CEACAM4: variants seen among roughly 807,000 people sequenced by gnomAD.
CEACAM4 encodes the protein cell adhesion molecule CEACAM4.
CEACAM4 carries 30 observed loss-of-function variants against 28.7 expected under a neutral mutation model. The ratio of observed to expected loss-of-function variants is 1.05; its 90% CI spans 0.78 to 1.42. The LOEUF (loss-of-function observed/expected upper bound fraction) is 1.42, where lower values mean the gene tolerates loss of function less well. Ranked by LOEUF, CEACAM4 falls within the 40% of genes most tolerant of loss-of-function variation. The pLI is 0.00. For synonymous variants in CEACAM4, 143 were observed against 126.5 expected, an observed-to-expected ratio of 1.13 and a Z score of -0.87; for missense variants, 330 against 308.2, an observed-to-expected ratio of 1.07 and a Z score of -0.53.
At chr19:41,620,444 G>T in intron 4 of CEACAM4, 131 bp downstream of exon 4, 1 of 906,252 alleles carries the variant, frequency 1.1e-6, no homozygotes, top group South Asian at 1.8e-5. Flanking sequence ...GGGGTCCCCT[G>T]TGTCATGTTT....
downstream of CEACAM4, among the ~76,000 whole-genome samples, chr19:41,616,827 T>C (rs1195091256): frequency 3.9e-5 from 6 of 151,980 alleles, no homozygotes; most frequent in Non-Finnish European, 8.8e-5. Context: ...TCCCACCATG[T>C]TGTAGGCAGA....
chr19:41,625,934 G>A lies in CEACAM4; in HGVS notation c.91C>T (p.Pro31Ser). Residue 31 changes from proline (P) to serine (S), a missense_variant, in exon 2 of 7, where the codon CCC becomes TCC. Transcript: ENST00000221954. ...TCAATAGTGAACTGGACAGTGGTGGGCGGGTGCCAGAAGGTTAAAAGTGAG... is the reference window on the plus strand; with the variant it reads ...TCAATAGTGAACTGGACAGTGGTGGACGGGTGCCAGAAGGTTAAAAGTGAG... ...TASLLTFWHP[P>S]TTVQFTIEAL... 1 of 1,612,784 alleles carries A rather than the reference G, an allele frequency of 6.2e-7. No individual in the cohort carries two copies. The highest frequency in any genetic ancestry group is 2.2e-5 in the East Asian group (1 of 44,846).
chr19:41,614,431 A>G (rs1555798591), downstream of CEACAM4, among the ~76,000 whole-genome samples: 2 of 152,204 alleles, frequency 1.3e-5, no homozygotes, highest in African/African-American at 4.8e-5. Flanking sequence ...GGTGAGGTCA[A>G]TGTTGCTGTA....
Position 41,619,250 on chromosome 19 carries a change from G to T in CEACAM4, c.*80C>A. 2 of 1,184,212 alleles carry T rather than the reference G, an allele frequency of 1.7e-6. No homozygotes were observed. Among genetic ancestry groups the T allele is most frequent in the Non-Finnish European group, 2.5e-6 (2 of 793,360 alleles). The allele number at this position is 1,184,212 out of a possible 1,614,324, so 73.4% of individuals were successfully genotyped here. A position where few individuals can be genotyped will look rare whatever the true frequency, so the allele number is the denominator to read the frequency against. On this transcript the variant is annotated 3_prime_UTR_variant, in exon 7 of 7. Coordinates refer to ENST00000221954, the MANE Select transcript of CEACAM4 (RefSeq NM_001817.4). ...ACTCAGAGCTGGTTCTCTGGCTCAG[G>T]CTCCATGTCCTTCCCCGTCCCCAGG...
At position 41,626,124 on chromosome 19, in the gene CEACAM4, G is replaced by C. The variant is rs190252473; in HGVS notation, c.65-164C>G. 4.7e-5 allele frequency among the ~76,000 whole-genome samples: 6 copies of C among 126,712 alleles called. No individual in the cohort carries two copies. In the East Asian group the frequency reaches 1.6e-3, roughly 33 times the overall value. The allele number at this position is 126,712 out of a possible 152,430, so 83.1% of individuals were successfully genotyped here. A position where few individuals can be genotyped will look rare whatever the true frequency, so the allele number is the denominator to read the frequency against. On this transcript the variant is annotated intron_variant, in intron 1 of 6. Transcript: ENST00000221954. ...TGTGTGTGTGTGTGTGTGTGTGTGTGTCCCTGGGTCAGCAGCATGACCCCC... is the reference window on the plus strand; with the variant it reads ...TGTGTGTGTGTGTGTGTGTGTGTGTCTCCCTGGGTCAGCAGCATGACCCCC...
intron 6 of CEACAM4, 112 bp downstream of exon 6, chr19:41,619,554 ACCTG>A (rs1555800210): frequency 6.5e-7 from 1 of 1,542,804 alleles, no homozygotes; most frequent in East Asian, 2.4e-5. Flanking sequence ...GCTCACCACC[ACCTG>A]TTCTCATTTT....
chr19:41,621,739 C>T lies in CEACAM4; in HGVS notation c.454G>A (p.Ala152Thr). Residue 152 changes from alanine (A) to threonine (T), a missense_variant, in exon 3 of 7, where the codon GCC becomes ACC. By Grantham distance (58) the Ala-to-Thr change is moderately conservative. Transcript: ENST00000221954. ...ACCCCAGTCACGATGCCAGCGACGG[C>T]CCCCACAGGAAGGCCTGGGACGTTG... ...QNNVPGLPVG[A>T]VAGIVTGVLV... is the part of the protein sequence containing the mutation. The T allele has an allele frequency of 1.2e-6, 2 of 1,611,660 alleles. No individual in the cohort carries two copies. Among genetic ancestry groups the T allele is most frequent in the African/African-American group, 1.3e-5 (1 of 74,976 alleles).
chr19:41,620,703 G>C, intron 3 of CEACAM4, 76 bp from the exon 4 acceptor site: 1 of 1,259,040 alleles, frequency 7.9e-7, no homozygotes, highest in Non-Finnish European at 1.2e-6. Flanking sequence ...GGACAAGGAA[G>C]GGACTCCATT....
rs1555800371 is a variant in CEACAM4 at position 41,619,707 on chromosome 19, G to C, written c.632C>G (p.Pro211Arg). 6.3e-7 allele frequency: 1 copy of C among 1,586,020 alleles called. No individual in the cohort carries two copies. The highest frequency in any genetic ancestry group is 8.6e-7 in the Non-Finnish European group (1 of 1,164,652). ...GPSHRSTFSA[P>R]LPSPRTATPI... ...AGTGGCTGTTCTGGGGCTGGGTAGA[G>C]GGGCCTGGGCAGGGGAGAGAGGAGA... The change falls in exon 6 of 7, where the codon CCT becomes CGT. Residue 211 changes from proline (P) to arginine (R), a missense_variant. Transcript: ENST00000221954.
intron 2 of CEACAM4, among the ~76,000 whole-genome samples, chr19:41,622,162 C>T (rs956613241): frequency 2.0e-4 from 31 of 152,150 alleles, no homozygotes; most frequent in African/African-American, 7.2e-4. Flanking sequence ...ACTGCAACCT[C>T]CATCTCCCAA....
intron 2 of CEACAM4, 114 bp downstream of exon 2, chr19:41,625,487 C>T: frequency 7.6e-7 from 1 of 1,320,266 alleles, no homozygotes. Flanking sequence ...ATGCCCAAAT[C>T]TCAACACGGG....
In CEACAM4 at chr19:41,627,072, T is replaced by A. The variant is rs1193626203; in HGVS notation, c.-109A>T. On this transcript the variant is annotated 5_prime_UTR_variant, in exon 1 of 7. Coordinates refer to ENST00000221954, the MANE Select transcript of CEACAM4 (RefSeq NM_001817.4). ...TCGGGGCTGCTGACCTTCCTCCTTC[T>A]GTGCTGAGCCTCCTCCCGGGCAGAA... 1 of 929,796 alleles carries A rather than the reference T, an allele frequency of 1.1e-6. No individual in the cohort carries two copies. The highest frequency in any genetic ancestry group is 2.9e-5 in the East Asian group (1 of 34,884). 57.6% of individuals were successfully genotyped at this position (929,796 alleles called of 1,614,324 possible).
Position 41,625,737 on chromosome 19 carries a change from A to G in CEACAM4, c.288T>C (p.Ser96=). The G allele has an allele frequency of 1.2e-6, 2 of 1,614,018 alleles. No individual in the cohort carries two copies. Among genetic ancestry groups the G allele is most frequent in the Non-Finnish European group, 1.7e-6 (2 of 1,179,968 alleles). The change falls in exon 2 of 7, where the codon AGT becomes AGC. Residue 96 remains serine, a synonymous_variant. Transcript: ENST00000221954. ...IQANIPGAAY[S]GRETVYPNGS... ...CATTGGGGTATACTGTCTCTCGACCACTGTATGCGGCCCCTGGGATATTTG... is the reference window on the plus strand; with the variant it reads ...CATTGGGGTATACTGTCTCTCGACCGCTGTATGCGGCCCCTGGGATATTTG...
intron 4 of CEACAM4, 86 bp downstream of exon 4, chr19:41,620,489 C>G: frequency 8.4e-7 from 1 of 1,192,900 alleles, no homozygotes; most frequent in Non-Finnish European, 1.2e-6. Context: ...AAGAAAGGGT[C>G]AGAGGCCCCC....
chr19:41,621,112 C>T (rs2071259215), intron 3 of CEACAM4, among the ~76,000 whole-genome samples: 1 of 152,020 alleles, frequency 6.6e-6, no homozygotes, highest in Non-Finnish European at 1.5e-5. Flanking sequence ...TGGCCTTGTC[C>T]TCTCTCTCTC....
intron 4 of CEACAM4, 63 bp from the exon 5 acceptor site, chr19:41,620,305 G>C: frequency 1.5e-6 from 2 of 1,330,982 alleles, no homozygotes; most frequent in African/African-American, 3.0e-5. Context: ...TCCTGCAGGA[G>C]AGTGTAGGGG....
At chr19:41,626,060 TGGAGTG>T in intron 1 of CEACAM4, 100 bp from the exon 2 acceptor site, 1 of 817,802 alleles carries the variant, frequency 1.2e-6, no homozygotes, top group Non-Finnish European at 1.9e-6. Context: ...CCCTCAGCCT[TGGAGTG>T]TGTGTGTGTG....
At position 41,619,119 on chromosome 19, in the gene CEACAM4, GGCCTTTGTCCCGGCCC is replaced by G. The variant is rs2071090501; in HGVS notation, c.*195_*210del. The G allele has an allele frequency of 1.8e-6, 1 of 566,710 alleles. No individual in the cohort carries two copies. The highest frequency in any genetic ancestry group is 2.4e-5 in the South Asian group (1 of 41,990). The allele number at this position is 566,710 out of a possible 1,614,324, so 35.1% of individuals were successfully genotyped here. A position where few individuals can be genotyped will look rare whatever the true frequency, so the allele number is the denominator to read the frequency against. ...GCCCCCGCTTCCTGTGGTGATGAGAGGCCTTTGTCCCGGCCCACCCAGAGCCCAGGGCAACCTGTCA... is the reference window on the plus strand; with the variant it reads ...GCCCCCGCTTCCTGTGGTGATGAGAGACCCAGAGCCCAGGGCAACCTGTCA... On this transcript the variant is annotated 3_prime_UTR_variant, in exon 7 of 7. Coordinates refer to ENST00000221954, the MANE Select transcript of CEACAM4 (RefSeq NM_001817.4).
chr19:41,621,954 A>AGACTT (rs1402669404), intron 2 of CEACAM4, among the ~76,000 whole-genome samples, 186 bp from the exon 3 acceptor site: 2 of 152,198 alleles, frequency 1.3e-5, no homozygotes, highest in East Asian at 3.9e-4. Context: ...TCTGTGTCTC[A>AGACTT]GACTTGACAC....
Sources: allele counts gnomAD v4.1 joint callset (sites outside exome capture counted in the v4.1 genomes callset), GRCh38; gene constraint gnomAD v4.1.1; transcripts MANE v1.5; gene names NCBI Gene and HGNC (gene_info 2026-07-23, HGNC 2026-07-21).